Variants in FOLR1 observed in about 807,000 individuals in gnomAD.
FOLR1 encodes the protein folate receptor alpha, also known as KB cells FBP.
FOLR1 carries 11 observed loss-of-function variants against 22.8 expected under a neutral mutation model. That is an observed-to-expected ratio of 0.48 (90% CI 0.30 to 0.80). FOLR1 has a LOEUF of 0.80. Ranked by LOEUF, FOLR1 falls within the 30% of genes least tolerant of loss-of-function variation. FOLR1 has a pLI of 0.06. For missense variants in FOLR1, 273 were observed against 320.3 expected (o/e 0.85, Z 1.13); for synonymous variants, 108 against 116.5 (o/e 0.93, Z 0.47).
upstream of FOLR1, chr11:72,192,048 G>A: frequency 9.8e-7 from 1 of 1,019,784 alleles, no homozygotes; most frequent in Non-Finnish European, 1.5e-6. Context: ...GGGAGATGGG[G>A]GCAGGGCTCT....
At position 72,192,155 on chromosome 11, in the gene FOLR1, T is replaced by A; in HGVS notation, c.-19T>A. The A allele has an allele frequency of 6.2e-7, 1 of 1,613,960 alleles. No individual in the cohort carries two copies. Among genetic ancestry groups the A allele is most frequent in the Non-Finnish European group, 8.5e-7 (1 of 1,179,894 alleles). On this transcript the variant is annotated 5_prime_UTR_variant, in exon 1 of 4. Coordinates refer to ENST00000393676, the MANE Select transcript of FOLR1 (RefSeq NM_016729.3). ...ATTCCTTGGTGCCACTGACCACAGC[T>A]CTTTCTTCAGGGACAGACATGGCTC... is the stretch of plus-strand genomic sequence containing the variant.
chr11:72,192,362 G>C (rs769569116), intron 1 of FOLR1, 21 bp downstream of exon 1: 1 of 1,613,502 alleles, frequency 6.2e-7, no homozygotes, highest in East Asian at 2.2e-5. Flanking sequence ...GGGTGATCTG[G>C]GGTGGTGAGG....
chr11:72,195,802 G>A lies in FOLR1; in HGVS notation c.493+55G>A, dbSNP rs573333281. On this transcript the variant is annotated intron_variant, in intron 3 of 3. Transcript: ENST00000393676. ...GATTTGGAAGTGGAGGTGTGTGGGT[G>A]TGGAACAGGTATGTGACAATTTGGA... The A allele has an allele frequency of 3.1e-6, 5 of 1,614,024 alleles. No individual in the cohort carries two copies. In the African/African-American group the frequency reaches 4.0e-5, roughly 13 times the overall value.
chr11:72,193,368 A>T (rs1301176091), intron 1 of FOLR1, among the ~76,000 whole-genome samples: 1 of 145,654 alleles, frequency 6.9e-6, no homozygotes, highest in African/African-American at 2.5e-5. Flanking sequence ...GGAAGGAAGG[A>T]AGGGGAGGAA....
upstream of FOLR1, among the ~76,000 whole-genome samples, chr11:72,191,630 G>A (rs1948158664): frequency 6.6e-6 from 1 of 152,146 alleles, no homozygotes; most frequent in South Asian, 2.1e-4. Context: ...CCAAAGTGCT[G>A]GGATTACAGG....
In FOLR1 at chr11:72,192,341, G is replaced by A. The variant is rs1044521011; in HGVS notation, c.168G>A (p.Gln56=). ...GCCCCGAGGACAAGTTGCATGAGCA[G>A]GTGGGCCAGGGGGTGATCTGGGGTG... ...KPGPEDKLHE[Q]CRPWRKNACC... is the part of the protein sequence containing the mutation. The change falls in exon 1 of 4, where the codon CAG becomes CAA. Residue 56 remains glutamine, a splice_region_variant and synonymous_variant. Transcript: ENST00000393676. 3.1e-6 allele frequency: 5 copies of A among 1,613,986 alleles called. No individual in the cohort carries two copies. Among genetic ancestry groups the A allele is most frequent in the Non-Finnish European group, 4.2e-6 (5 of 1,180,024 alleles).
chr11:72,192,127 C>T (rs764259864), upstream of FOLR1: 15 of 1,611,686 alleles, frequency 9.3e-6, no homozygotes, highest in East Asian at 2.2e-5. Flanking sequence ...GCCCCACCTC[C>T]GCATTCCTTG....
intron 1 of FOLR1, among the ~76,000 whole-genome samples, chr11:72,192,811 G>A (rs1381202269): frequency 2.0e-5 from 3 of 151,594 alleles, no homozygotes; most frequent in Non-Finnish European, 4.4e-5. Flanking sequence ...TGCCCAGGCT[G>A]GTCTCAAATT....
rs1948212342 is a variant in FOLR1 at position 72,195,311 on chromosome 11, C to A, written c.209C>A (p.Thr70Asn). The A allele has an allele frequency of 1.9e-6, 3 of 1,614,042 alleles. No individual in the cohort carries two copies. Among genetic ancestry groups the A allele is most frequent in the Non-Finnish European group, 2.5e-6 (3 of 1,180,016 alleles). Residue 70 changes from threonine to asparagine, a missense_variant, in exon 2 of 4, where the codon ACC becomes AAC. Transcript: ENST00000393676. ...AAGAATGCCTGCTGTTCTACCAACA[C>A]CAGCCAGGAAGCCCATAAGGATGTT... Reference protein sequence around the residue: ...WRKNACCSTNTSQEAHKDVSY... With the variant: ...WRKNACCSTNNSQEAHKDVSY...
At chr11:72,195,525 G>GGCTGCA (rs1948217446) in intron 2 of FOLR1, 66 bp downstream of exon 2, 1 of 1,612,874 alleles carries the variant, frequency 6.2e-7, no homozygotes, top group Non-Finnish European at 8.5e-7. Flanking sequence ...CATCTCTGCA[G>GGCTGCA]GCTGCAACCC....
chr11:72,196,098 C>T lies in FOLR1; in HGVS notation c.695C>T (p.Ala232Val), dbSNP rs543710765. Residue 232 changes from alanine to valine, a missense_variant, in exon 4 of 4, where the codon GCC becomes GTC. Physicochemically the swap from Ala to Val is moderately conservative, Grantham distance 64. Coordinates refer to ENST00000393676, the MANE Select transcript of FOLR1 (RefSeq NM_016729.3). ...GAGGTGGCGAGGTTCTATGCTGCAG[C>T]CATGAGTGGGGCTGGGCCCTGGGCA... ...NEEVARFYAAAMSGAGPWAAW... is the reference protein window; with the variant it reads ...NEEVARFYAAVMSGAGPWAAW... The T allele has an allele frequency of 1.2e-6, 2 of 1,614,188 alleles. No individual in the cohort carries two copies. The highest frequency in any genetic ancestry group is 1.7e-5 in the Admixed American group (1 of 60,024).
chr11:72,194,532 T>C (rs1426061908), intron 1 of FOLR1, among the ~76,000 whole-genome samples: 1 of 152,208 alleles, frequency 6.6e-6, no homozygotes, highest in Non-Finnish European at 1.5e-5. Context: ...CCCAAGTAGC[T>C]GGGACTACAG....
At position 72,192,287 on chromosome 11, in the gene FOLR1, G is replaced by A. The variant is rs1241611500; in HGVS notation, c.114G>A (p.Met38Ile). ...WARTELLNVCMNAKHHKEKPG... is the reference protein window; with the variant it reads ...WARTELLNVCINAKHHKEKPG... ...GGACTGAGCTTCTCAATGTCTGCATGAACGCCAAGCACCACAAGGAAAAGC... is the reference window on the plus strand; with the variant it reads ...GGACTGAGCTTCTCAATGTCTGCATAAACGCCAAGCACCACAAGGAAAAGC... The change falls in exon 1 of 4, where the codon ATG (methionine) becomes ATA (isoleucine). Residue 38 changes from methionine to isoleucine, a missense_variant. Coordinates refer to ENST00000393676, the MANE Select transcript of FOLR1 (RefSeq NM_016729.3). 6.2e-7 allele frequency: 1 copy of A among 1,614,146 alleles called. No individual in the cohort carries two copies. Among genetic ancestry groups the A allele is most frequent in the South Asian group, 1.1e-5 (1 of 91,084 alleles).
intron 1 of FOLR1, among the ~76,000 whole-genome samples, chr11:72,193,337 A>C (rs79958995): frequency 0.014 from 2,166 of 151,760 alleles, 23 homozygotes; most frequent in East Asian, 0.044. Context: ...AAAGAAAGAA[A>C]GAACGAAAAA....
rs200065246 is a variant in FOLR1 at position 72,195,598 on chromosome 11, T to C, written c.358-14T>C. On this transcript the variant is annotated splice_polypyrimidine_tract_variant and intron_variant, in intron 2 of 3. Transcript: ENST00000393676. Reference sequence around the variant, plus strand: ...CTTGAACCTGAGCCCTTCTTTTGTATCAAAATCACCCAGGTGGATCAGAGC... The same window carrying C: ...CTTGAACCTGAGCCCTTCTTTTGTACCAAAATCACCCAGGTGGATCAGAGC... The C allele has an allele frequency of 1.9e-6, 3 of 1,614,190 alleles. No homozygotes were observed.
In FOLR1 at chr11:72,195,428, G is replaced by A; in HGVS notation, c.326G>A (p.Cys109Tyr). 6.2e-7 allele frequency: 1 copy of A among 1,614,246 alleles called. No homozygotes were observed. The highest frequency in any genetic ancestry group is 8.5e-7 in the Non-Finnish European group (1 of 1,180,044). The change falls in exon 2 of 4, where the codon TGC (cysteine) becomes TAC (tyrosine). Residue 109 changes from cysteine to tyrosine, a missense_variant. By Grantham distance (194) the Cys-to-Tyr change is radical. Transcript: ENST00000393676. Reference protein sequence around the residue: ...HFIQDTCLYECSPNLGPWIQQ... With the variant: ...HFIQDTCLYEYSPNLGPWIQQ... ...ATCCAGGACACCTGCCTCTACGAGTGCTCCCCCAACTTGGGGCCCTGGATC... is the reference window on the plus strand; with the variant it reads ...ATCCAGGACACCTGCCTCTACGAGTACTCCCCCAACTTGGGGCCCTGGATC...
chr11:72,194,572 T>C lies in FOLR1; in HGVS notation c.169-699T>C, dbSNP rs368013494. 4.1e-4 allele frequency among the ~76,000 whole-genome samples: 63 copies of C among 152,358 alleles called. No homozygotes were observed. In the South Asian group the frequency reaches 0.013, roughly 31 times the overall value. On this transcript the variant is annotated intron_variant, in intron 1 of 3. Coordinates refer to ENST00000393676, the MANE Select transcript of FOLR1 (RefSeq NM_016729.3). ...CAGCCACCACGCCCGGCTAATTTTT[T>C]GTATTTTTAGTAGAGACGGGGTTTC...
chr11:72,193,619 TG>T (rs1948186730), intron 1 of FOLR1, among the ~76,000 whole-genome samples: 1 of 150,402 alleles, frequency 6.6e-6, no homozygotes, highest in East Asian at 2.0e-4. Flanking sequence ...TTTGTTTGTT[TG>T]TTTTGTTTGT....
chr11:72,192,837 T>A (rs1030669983), intron 1 of FOLR1, among the ~76,000 whole-genome samples: 4 of 151,828 alleles, frequency 2.6e-5, no homozygotes, highest in African/African-American at 9.7e-5. Context: ...ACTCAAGTGA[T>A]CCTCCCACCT....
Sources: allele counts gnomAD v4.1 joint callset (sites outside exome capture counted in the v4.1 genomes callset), GRCh38; gene constraint gnomAD v4.1.1; transcripts MANE v1.5; gene names NCBI Gene and HGNC (gene_info 2026-07-23, HGNC 2026-07-21).